The following CALN1 variants were observed in gnomAD, a reference collection of about 807,000 sequenced individuals.
The protein encoded by CALN1 is calneuron 1, also known as calcium-binding protein 8.
CALN1 carries 17 observed loss-of-function variants against 30.6 expected under a neutral mutation model. The ratio of observed to expected loss-of-function variants is 0.56; its 90% confidence interval spans 0.38 to 0.83. CALN1 has a LOEUF of 0.83. Among genes scored for constraint, CALN1 ranks in the 40% least tolerant of loss-of-function variants. CALN1 has a pLI of 0.00. For synonymous variants in CALN1, 156 were observed against 131.4 expected (o/e 1.19, Z -1.28); for missense variants, 291 against 354.9 (o/e 0.82, Z 1.45).
intron 2 of CALN1, among the ~76,000 whole-genome samples, chr7:72,386,442 G>A (rs984037480): frequency 1.3e-5 from 2 of 152,176 alleles, no homozygotes; most frequent in Non-Finnish European, 2.9e-5. Context: ...TGATAAGGTT[G>A]TCTCCTATGG....
intron 3 of CALN1, among the ~76,000 whole-genome samples, chr7:72,218,567 G>C (rs1793024627): frequency 6.6e-6 from 1 of 152,180 alleles, no homozygotes; most frequent in Non-Finnish European, 1.5e-5. Flanking sequence ...GTGAGGAATT[G>C]AGTGAGAATC....
At chr7:72,190,253 G>A (rs943822226) in intron 3 of CALN1, among the ~76,000 whole-genome samples, 1 of 152,202 alleles carries the variant, frequency 6.6e-6, no homozygotes, top group African/African-American at 2.4e-5. Context: ...GGCTGAGCCA[G>A]GAGAATCGCC....
intron 5 of CALN1, among the ~76,000 whole-genome samples, chr7:71,922,657 AAT>A (rs1182166030): frequency 1.4e-5 from 2 of 138,518 alleles, no homozygotes; most frequent in Non-Finnish European, 3.0e-5. Flanking sequence ...ATTATATATA[AAT>A]ATATAACATA....
At chr7:72,143,564 CAGG>C (rs1265098623) in intron 3 of CALN1, among the ~76,000 whole-genome samples, 2 of 152,058 alleles carry the variant, frequency 1.3e-5, no homozygotes, top group African/African-American at 4.8e-5. Flanking sequence ...GGATATTATC[CAGG>C]AGAACTTCCC....
intron 2 of CALN1, among the ~76,000 whole-genome samples, chr7:72,357,338 C>G (rs931889155): frequency 6.6e-6 from 1 of 151,984 alleles, no homozygotes; most frequent in Non-Finnish European, 1.5e-5. Context: ...TCCTCCTGCA[C>G]CACAGATCAG....
chr7:72,076,483 A>C (rs1328579177), intron 4 of CALN1, among the ~76,000 whole-genome samples: 1 of 151,270 alleles, frequency 6.6e-6, no homozygotes, highest in Non-Finnish European at 1.5e-5. Context: ...CTGTAATCCC[A>C]GCTACTTGGG....
intron 4 of CALN1, among the ~76,000 whole-genome samples, chr7:72,027,404 T>A (rs959232999): frequency 3.3e-5 from 5 of 152,134 alleles, no homozygotes; most frequent in Non-Finnish European, 5.9e-5. Context: ...AGGACACGAA[T>A]CTATTTTTGC....
rs183921787 is a variant in CALN1 at position 72,429,618 on chromosome 7, T to C, written c.-225-17343A>G. Among the ~76,000 whole-genome samples the C allele has an allele frequency of 4.9e-3, 749 of 151,988 alleles. 3 individuals carry two copies. The highest frequency in any genetic ancestry group is 0.017 in the African/African-American group (708 of 41,494). On this transcript the variant is annotated intron_variant, in intron 1 of 6. Coordinates refer to the CALN1 transcript ENST00000395276. ...GTAGAATAGCTATTCTGAAACTCAATGTCATCATTTAAAAGAAACAAAAAC... is the reference window on the plus strand; with the variant it reads ...GTAGAATAGCTATTCTGAAACTCAACGTCATCATTTAAAAGAAACAAAAAC...
At chr7:72,163,643 T>C (rs1430754797) in intron 3 of CALN1, among the ~76,000 whole-genome samples, 1 of 152,008 alleles carries the variant, frequency 6.6e-6, no homozygotes, top group Non-Finnish European at 1.5e-5. Context: ...ATATCAGTAA[T>C]AAAAAGTTCA....
At chr7:71,935,348 G>A (rs1331725389) in intron 5 of CALN1, among the ~76,000 whole-genome samples, 4 of 152,182 alleles carry the variant, frequency 2.6e-5, no homozygotes, top group Non-Finnish European at 4.4e-5. Flanking sequence ...AGTGCTTCTG[G>A]CCCTAGGAAG....
chr7:71,919,145 T>A (rs975273300), intron 5 of CALN1, among the ~76,000 whole-genome samples: 3 of 152,244 alleles, frequency 2.0e-5, no homozygotes, highest in Non-Finnish European at 4.4e-5. Context: ...TAATGCCCGA[T>A]GCTGCCACGC....
intron 2 of CALN1, among the ~76,000 whole-genome samples, chr7:72,397,570 G>A (rs1806043980): frequency 6.6e-6 from 1 of 152,268 alleles, no homozygotes; most frequent in Non-Finnish European, 1.5e-5. Context: ...ATGAGGAAGA[G>A]GGAGTCAGGA....
chr7:72,155,319 T>C (rs1787577188), intron 3 of CALN1, among the ~76,000 whole-genome samples: 1 of 151,720 alleles, frequency 6.6e-6, no homozygotes. Context: ...GGTGAAATCC[T>C]ATCTCTACTA....
At chr7:72,437,890 T>C (rs1416286666) in intron 1 of CALN1, among the ~76,000 whole-genome samples, 3 of 145,026 alleles carry the variant, frequency 2.1e-5, no homozygotes, top group African/African-American at 2.6e-5. Context: ...TTTCCTTCCT[T>C]CCTCCCTCCC....
rs1807093417 is a variant in CALN1, at chr7:72,106,164, G to C, written c.375C>G (p.Arg125=). The change falls in exon 4 of 7, where the codon CGC becomes CGG. Residue 125 remains arginine (R), a synonymous_variant. Transcript: ENST00000395275. ...TCCGGGTCTTACCGTCCATGTCCAA[G>C]CGCTGCATGATGATGGCCAGCTCCA... ...SEVELAIIMQ[R]LDMDGDGQVD... is the part of the protein sequence containing the mutation. 2 of 1,613,906 alleles carry C rather than the reference G, an allele frequency of 1.2e-6. No individual in the cohort carries two copies. Among genetic ancestry groups the C allele is most frequent in the Non-Finnish European group, 1.7e-6 (2 of 1,179,966 alleles).
intron 2 of CALN1, among the ~76,000 whole-genome samples, chr7:72,381,666 CAG>C (rs1804910217): frequency 6.6e-6 from 1 of 152,072 alleles, no homozygotes; most frequent in African/African-American, 2.4e-5. Context: ...CGTATGGAAA[CAG>C]GGAGAGGAAC....
At chr7:72,323,803 G>A (rs1484684489) in intron 2 of CALN1, among the ~76,000 whole-genome samples, 2 of 152,150 alleles carry the variant, frequency 1.3e-5, no homozygotes, top group Admixed American at 6.5e-5. Flanking sequence ...CGGCACTTTG[G>A]GAGGCTGAGG....
At chr7:72,158,358 T>C (rs1013672195) in intron 3 of CALN1, among the ~76,000 whole-genome samples, 1 of 152,198 alleles carries the variant, frequency 6.6e-6, no homozygotes, top group Non-Finnish European at 1.5e-5. Flanking sequence ...TAGGAGGCCC[T>C]GGCCGTAGTC....
rs2115828961 is a variant in CALN1, at chr7:71,787,702, T to G, written c.*73A>C. 4 of 1,584,864 alleles carry G rather than the reference T, an allele frequency of 2.5e-6. No individual in the cohort carries two copies. Among genetic ancestry groups the G allele is most frequent in the Middle Eastern group, 2.2e-4 (1 of 4,638 alleles). On this transcript the variant is annotated 3_prime_UTR_variant, in exon 7 of 7. Coordinates refer to ENST00000395275, the MANE Select transcript of CALN1 (RefSeq NM_031468.4). ...AGTCCATAGGTCCGTGTCTGCTGTGTGGAGGAAGAGTCTGCCCGCACGGCA... is the reference window on the plus strand; with the variant it reads ...AGTCCATAGGTCCGTGTCTGCTGTGGGGAGGAAGAGTCTGCCCGCACGGCA...
Sources: gnomAD v4.1 joint callset for allele counts (sites outside exome capture counted in the v4.1 genomes callset) on GRCh38, gnomAD v4.1.1 for gene constraint, MANE v1.5 for transcripts, NCBI Gene and HGNC (gene_info 2026-07-23, HGNC 2026-07-21) for gene names.